The following FAM110B variants were observed in gnomAD, a reference collection of about 807,000 sequenced individuals.
FAM110B encodes the protein protein FAM110B.
Under a neutral mutation model 20.4 loss-of-function variants are expected in FAM110B, and 6 were observed. The ratio of observed to expected loss-of-function variants is 0.29; its 90% confidence interval spans 0.16 to 0.58. The LOEUF (loss-of-function observed/expected upper bound fraction) is 0.58. Among genes scored for constraint, FAM110B ranks in the 20% least tolerant of loss-of-function variants. The pLI is 0.90. For missense variants in FAM110B, 434 were observed against 498.2 expected (o/e 0.87, Z 1.23); for synonymous variants, 226 against 214.1 (o/e 1.06, Z -0.49).
At chr8:58,120,739 A>G (rs1359910001) in intron 3 of FAM110B, among the ~76,000 whole-genome samples, 1 of 152,214 alleles carries the variant, frequency 6.6e-6, no homozygotes, top group East Asian at 1.9e-4. Context: ...CATTTAAAGT[A>G]CATGCCTCTG....
At chr8:58,109,672 G>A (rs939771004) in intron 3 of FAM110B, among the ~76,000 whole-genome samples, 5 of 152,140 alleles carry the variant, frequency 3.3e-5, no homozygotes, top group African/African-American at 1.2e-4. Context: ...ACGAGGCCAG[G>A]AATCCTGGAC....
At chr8:58,000,248 G>T (rs1474088845) in intron 1 of FAM110B, among the ~76,000 whole-genome samples, 1 of 152,168 alleles carries the variant, frequency 6.6e-6, no homozygotes, top group African/African-American at 2.4e-5. Context: ...TGGGGTTGGG[G>T]TGGAGTGTTT....
chr8:58,103,801 A>G (rs1268160654), intron 3 of FAM110B, among the ~76,000 whole-genome samples: 1 of 152,100 alleles, frequency 6.6e-6, no homozygotes, highest in Non-Finnish European at 1.5e-5. Context: ...CCACAGCCCC[A>G]CACTGTTCAT....
At chr8:58,103,836 G>T (rs542893488) in intron 3 of FAM110B, among the ~76,000 whole-genome samples, 2 of 152,092 alleles carry the variant, frequency 1.3e-5, no homozygotes, top group African/African-American at 2.4e-5. Flanking sequence ...TGAAGTTCAC[G>T]TAGTGCTGTC....
At chr8:58,115,569 T>C (rs1388225621) in intron 3 of FAM110B, among the ~76,000 whole-genome samples, 3 of 152,004 alleles carry the variant, frequency 2.0e-5, no homozygotes, top group East Asian at 1.9e-4. Context: ...AATTTTTGTA[T>C]TTTTAGTAGA....
chr8:58,063,947 C>T lies in FAM110B; in HGVS notation c.-413-11588C>T, dbSNP rs556910191. 1.6e-4 allele frequency among the ~76,000 whole-genome samples: 25 copies of T among 152,170 alleles called. No homozygotes were observed. In the South Asian group the frequency reaches 3.9e-3, roughly 24 times the overall value. On this transcript the variant is annotated intron_variant, in intron 2 of 3. Coordinates refer to ENST00000519262, the MANE Select transcript of FAM110B (RefSeq NM_001377989.1). The stretch of plus-strand genomic sequence containing the variant: ...GAGGTTTAATTGGCTCATGGTTCTG[C>T]GGGCTGTACAGGAAGGATGGTTGGG...
chr8:58,039,972 T>C lies in FAM110B; in HGVS notation c.-414+8269T>C, dbSNP rs188352053. ...TAAATTTTGAATATTTAAAATTTTT[T>C]TAATTAAATTTTTAAATCTTTTACA... On this transcript the variant is annotated intron_variant, in intron 2 of 3. Coordinates refer to ENST00000519262, the MANE Select transcript of FAM110B (RefSeq NM_001377989.1). 2.4e-3 allele frequency among the ~76,000 whole-genome samples: 357 copies of C among 151,874 alleles called. 1 individual carries two copies. Among genetic ancestry groups the C allele is most frequent in the Non-Finnish European group, 4.1e-3 (280 of 67,954 alleles).
intron 3 of FAM110B, among the ~76,000 whole-genome samples, chr8:58,097,049 C>T (rs1321285310): frequency 6.6e-6 from 1 of 152,098 alleles, no homozygotes; most frequent in Non-Finnish European, 1.5e-5. Context: ...GGAGTATCTT[C>T]GTGGTGTTCA....
At chr8:58,145,024 A>G (rs1185540193) in intron 3 of FAM110B, among the ~76,000 whole-genome samples, 1 of 152,214 alleles carries the variant, frequency 6.6e-6, no homozygotes, top group Non-Finnish European at 1.5e-5. Context: ...TTTAGGTATG[A>G]TTGGACACTT....
chr8:58,064,306 C>T (rs1805717913), intron 2 of FAM110B, among the ~76,000 whole-genome samples: 1 of 152,102 alleles, frequency 6.6e-6, no homozygotes, highest in Admixed American at 6.5e-5. Context: ...TACATATCAT[C>T]AATTATTTCA....
intron 3 of FAM110B, among the ~76,000 whole-genome samples, chr8:58,088,728 G>A (rs1208915902): frequency 6.6e-6 from 1 of 152,150 alleles, no homozygotes; most frequent in East Asian, 1.9e-4. Context: ...GGGTGGAGGA[G>A]TTCTAACTGC....
At chr8:58,142,140 A>G (rs900953790) in intron 3 of FAM110B, among the ~76,000 whole-genome samples, 1 of 152,176 alleles carries the variant, frequency 6.6e-6, no homozygotes, top group Non-Finnish European at 1.5e-5. Flanking sequence ...TGAGATTGCT[A>G]TTTCTGTGCC....
chr8:58,064,623 G>A (rs891638979), intron 2 of FAM110B, among the ~76,000 whole-genome samples: 1 of 152,040 alleles, frequency 6.6e-6, no homozygotes, highest in African/African-American at 2.4e-5. Context: ...CCTTGGCCTG[G>A]ATGTTTTAAT....
chr8:57,997,043 G>A (rs1205313947), intron 1 of FAM110B, among the ~76,000 whole-genome samples: 2 of 152,108 alleles, frequency 1.3e-5, no homozygotes, highest in African/African-American at 2.4e-5. Flanking sequence ...TAACTTTGAA[G>A]TGACTTTTTA....
At chr8:58,062,044 A>AT (rs1372467742) in intron 2 of FAM110B, among the ~76,000 whole-genome samples, 15 of 152,092 alleles carry the variant, frequency 9.9e-5, no homozygotes, top group South Asian at 8.3e-4. Flanking sequence ...GACACGATAC[A>AT]TTTTTTTTCT....
intron 1 of FAM110B, among the ~76,000 whole-genome samples, chr8:58,012,788 A>T (rs1423539349): frequency 6.6e-6 from 1 of 152,186 alleles, no homozygotes; most frequent in Non-Finnish European, 1.5e-5. Context: ...CATTGGTGCA[A>T]AGATGTATTC....
chr8:58,089,053 G>A (rs6471680), intron 3 of FAM110B, among the ~76,000 whole-genome samples: 46,964 of 152,128 alleles, frequency 0.31, 9,936 homozygotes, highest in African/African-American at 0.6. Context: ...GGGCAGGAGA[G>A]GCTAAAGTAA....
At chr8:58,011,292 A>G (rs1468027992) in intron 1 of FAM110B, among the ~76,000 whole-genome samples, 2 of 152,144 alleles carry the variant, frequency 1.3e-5, no homozygotes, top group Non-Finnish European at 2.9e-5. Context: ...TAACAGTAGG[A>G]GTTATCAAAC....
intron 1 of FAM110B, among the ~76,000 whole-genome samples, chr8:58,010,832 A>G (rs1804519302): frequency 6.6e-6 from 1 of 152,200 alleles, no homozygotes; most frequent in Non-Finnish European, 1.5e-5. Context: ...AATTGTTCAT[A>G]TCTCACAACT....
Sources: gnomAD v4.1 joint callset for allele counts (sites outside exome capture counted in the v4.1 genomes callset) on GRCh38, gnomAD v4.1.1 for gene constraint, MANE v1.5 for transcripts, NCBI Gene and HGNC (gene_info 2026-07-23, HGNC 2026-07-21) for gene names.